Variants in SCAI observed in about 807,000 individuals in gnomAD.
The protein encoded by SCAI is suppressor of cancer cell invasion, also known as protein SCAI.
A neutral mutation model predicts 92.2 loss-of-function variants in SCAI; 24 were observed. That is an observed-to-expected ratio of 0.26 (90% CI 0.19 to 0.37). The LOEUF (loss-of-function observed/expected upper bound fraction) is 0.37, where lower values mean the gene tolerates loss of function less well. Among genes scored for constraint, SCAI ranks in the 10% least tolerant of loss-of-function variants. SCAI has a pLI of 1.00. For missense variants in SCAI, 450 were observed against 736.2 expected (o/e 0.61, Z 4.50); for synonymous variants, 261 against 258.6 (o/e 1.01, Z -0.09).
intron 11 of SCAI, 79 bp downstream of exon 11, chr9:125,003,035 T>G: frequency 1.1e-6 from 1 of 889,474 alleles, no homozygotes; most frequent in African/African-American, 1.7e-5. Flanking sequence ...CTCTTAAGTA[T>G]TTTTTCAAAA....
chr9:125,108,256 C>A (rs1406415618), intron 2 of SCAI, among the ~76,000 whole-genome samples: 1 of 152,376 alleles, frequency 6.6e-6, no homozygotes, highest in African/African-American at 2.4e-5. Context: ...GCCGCCACCC[C>A]GTCTGGGAAG....
intron 3 of SCAI, among the ~76,000 whole-genome samples, chr9:125,051,995 C>T (rs775559311): frequency 6.6e-6 from 1 of 151,936 alleles, no homozygotes; most frequent in Non-Finnish European, 1.5e-5. Flanking sequence ...TGCACTGAGC[C>T]GAGATCATGC....
At chr9:125,051,378 C>T (rs1324182634) in intron 3 of SCAI, among the ~76,000 whole-genome samples, 1 of 152,122 alleles carries the variant, frequency 6.6e-6, no homozygotes, top group Non-Finnish European at 1.5e-5. Context: ...GAAAATATAT[C>T]TGTGGTATAT....
chr9:125,069,920 C>A (rs781361195), intron 2 of SCAI, among the ~76,000 whole-genome samples: 5 of 152,034 alleles, frequency 3.3e-5, no homozygotes, highest in Non-Finnish European at 5.9e-5. Flanking sequence ...CCGTGCCCGG[C>A]CATGAGCTCA....
intron 2 of SCAI, among the ~76,000 whole-genome samples, chr9:125,117,137 G>T (rs186501741): frequency 5.3e-5 from 8 of 152,258 alleles, no homozygotes; most frequent in Admixed American, 5.2e-4. Flanking sequence ...CTCCTCTGAA[G>T]TATGTGGCTT....
chr9:125,074,980 G>C (rs1374523289), intron 2 of SCAI, among the ~76,000 whole-genome samples: 1 of 152,040 alleles, frequency 6.6e-6, no homozygotes, highest in Admixed American at 6.6e-5. Flanking sequence ...TGGGCAACAA[G>C]AGTGAAACTC....
chr9:124,995,380 A>G (rs1473769709), intron 13 of SCAI, among the ~76,000 whole-genome samples: 1 of 152,204 alleles, frequency 6.6e-6, no homozygotes, highest in Non-Finnish European at 1.5e-5. Context: ...TAACAAAACC[A>G]GATTTGTATT....
At chr9:124,975,875 A>T (rs1292645548) in intron 15 of SCAI, among the ~76,000 whole-genome samples, 1 of 152,210 alleles carries the variant, frequency 6.6e-6, no homozygotes, top group Non-Finnish European at 1.5e-5. Flanking sequence ...CCCATCAGCA[A>T]GGAACAAAAC....
At chr9:125,011,220 C>T (rs1402996546) in intron 9 of SCAI, among the ~76,000 whole-genome samples, 11 of 152,048 alleles carry the variant, frequency 7.2e-5, no homozygotes, top group African/African-American at 1.7e-4. Flanking sequence ...AGGCTTCAGA[C>T]GATCAAACTA....
At chr9:125,120,132 T>C (rs1362826584) in intron 2 of SCAI, among the ~76,000 whole-genome samples, 1 of 152,130 alleles carries the variant, frequency 6.6e-6, no homozygotes, top group Non-Finnish European at 1.5e-5. Flanking sequence ...AAGATGACAT[T>C]GTAGGTAGAA....
chr9:125,118,658 C>T (rs755078820), intron 2 of SCAI, among the ~76,000 whole-genome samples: 14 of 152,118 alleles, frequency 9.2e-5, no homozygotes, highest in Non-Finnish European at 1.3e-4. Flanking sequence ...TTTTAAGCCC[C>T]GTATACATTA....
At chr9:125,093,658 C>A (rs1288065547) in intron 2 of SCAI, among the ~76,000 whole-genome samples, 1 of 151,500 alleles carries the variant, frequency 6.6e-6, no homozygotes, top group South Asian at 2.1e-4. Flanking sequence ...CTTCGCCTCC[C>A]GGGTTCAAGC....
chr9:125,136,348 C>A (rs563629428), intron 2 of SCAI, among the ~76,000 whole-genome samples: 2 of 151,760 alleles, frequency 1.3e-5, no homozygotes, highest in African/African-American at 4.8e-5. Context: ...TGGGCTCACA[C>A]CATTCATCTG....
At chr9:125,108,141 T>G (rs996550200) in intron 2 of SCAI, among the ~76,000 whole-genome samples, 3 of 152,402 alleles carry the variant, frequency 2.0e-5, no homozygotes, top group Admixed American at 2.0e-4. Context: ...GTGCTCAATG[T>G]TGCCCAGGCT....
At chr9:125,018,152 T>C (rs1189739412) in intron 9 of SCAI, among the ~76,000 whole-genome samples, 1 of 152,020 alleles carries the variant, frequency 6.6e-6, no homozygotes, top group African/African-American at 2.4e-5. Flanking sequence ...TGGAGTACAG[T>C]GGTGTGATCT....
At position 124,999,948 on chromosome 9, in the gene SCAI, T is replaced by C. The variant is rs1832322482; in HGVS notation, c.1187A>G (p.Asp396Gly). The C allele has an allele frequency of 6.3e-7, 1 of 1,596,194 alleles. No homozygotes were observed. Among genetic ancestry groups the C allele is most frequent in the South Asian group, 1.1e-5 (1 of 88,482 alleles). Residue 396 changes from aspartate (D) to glycine (G), a missense_variant, in exon 13 of 18, where the codon GAT becomes GGT. Transcript: ENST00000336505. ...FGGVLTNSNRDIINGDAIHKR... is the reference protein window; with the variant it reads ...FGGVLTNSNRGIINGDAIHKR... ...GTGGATGGCATCTCCATTAATAATA[T>C]CCCGGTTACTATTAGTAAGTACACC...
chr9:125,070,108 A>G (rs1250109943), intron 2 of SCAI, among the ~76,000 whole-genome samples: 1 of 152,186 alleles, frequency 6.6e-6, no homozygotes, highest in Non-Finnish European at 1.5e-5. Flanking sequence ...ATACCATGAA[A>G]TTGTTAGTTG....
chr9:125,061,169 C>A (rs916367540), intron 2 of SCAI, among the ~76,000 whole-genome samples: 2 of 152,126 alleles, frequency 1.3e-5, no homozygotes, highest in Non-Finnish European at 1.5e-5. Context: ...TGGTGGCGGG[C>A]ACCTGTAGTC....
At chr9:124,971,081 C>T (rs1236011456) in intron 17 of SCAI, among the ~76,000 whole-genome samples, 1 of 152,104 alleles carries the variant, frequency 6.6e-6, no homozygotes, top group Non-Finnish European at 1.5e-5. Flanking sequence ...TCCCAAAGTG[C>T]TGAGATTACA....
Sources: gnomAD v4.1 joint callset for allele counts (sites outside exome capture counted in the v4.1 genomes callset) on GRCh38, gnomAD v4.1.1 for gene constraint, MANE v1.5 for transcripts, NCBI Gene and HGNC (gene_info 2026-07-23, HGNC 2026-07-21) for gene names.